The following DLGAP4 variants were observed in gnomAD, a reference collection of about 807,000 sequenced individuals.
DLGAP4 encodes DLG associated protein 4, also known as disks large-associated protein 4.
DLGAP4 carries 18 observed loss-of-function variants against 86.9 expected under a neutral mutation model. The ratio of observed to expected loss-of-function variants is 0.21; its 90% confidence interval spans 0.14 to 0.31. The LOEUF (loss-of-function observed/expected upper bound fraction) is 0.31. DLGAP4 is among the 10% of genes least tolerant of loss of function. DLGAP4 has a pLI of 1.00. For missense variants in DLGAP4, 1,085 were observed against 1,362.6 expected (o/e 0.80, Z 3.21); for synonymous variants, 548 against 574.3 (o/e 0.95, Z 0.65).
At chr20:36,525,215 T>TAAAAAAA in intron 11 of DLGAP4, among the ~76,000 whole-genome samples, 1 of 27,464 alleles carries the variant, frequency 3.6e-5, no homozygotes, top group Non-Finnish European at 5.5e-5. Context: ...AGACTCCGTC[T>TAAAAAAA]CAAAAAAAAA....
chr20:36,334,539 A>G (rs1182604854), intron 1 of DLGAP4, among the ~76,000 whole-genome samples: 5 of 152,150 alleles, frequency 3.3e-5, no homozygotes, highest in African/African-American at 1.2e-4. Context: ...CCAGGTGGCC[A>G]TGGAGACCCC....
chr20:36,445,416 A>G (rs1443898012), intron 6 of DLGAP4, among the ~76,000 whole-genome samples: 1 of 152,174 alleles, frequency 6.6e-6, no homozygotes, highest in Non-Finnish European at 1.5e-5. Context: ...AGGCAGAAGA[A>G]TTGCTTGAAC....
chr20:36,395,016 C>T (rs924634457), intron 2 of DLGAP4, among the ~76,000 whole-genome samples: 1 of 152,072 alleles, frequency 6.6e-6, no homozygotes, highest in African/African-American at 2.4e-5. Context: ...TTAGCCTCCC[C>T]GTCGTTCTCT....
chr20:36,417,362 G>A (rs1254825906), intron 2 of DLGAP4, among the ~76,000 whole-genome samples: 1 of 149,514 alleles, frequency 6.7e-6, no homozygotes, highest in East Asian at 2.0e-4. Flanking sequence ...TGGAGTTTGA[G>A]TTTTGTTTTT....
intron 4 of DLGAP4, among the ~76,000 whole-genome samples, chr20:36,438,644 G>A (rs1157346882): frequency 1.3e-5 from 2 of 149,554 alleles, no homozygotes; most frequent in African/African-American, 2.5e-5. Flanking sequence ...CTTCTGCTTT[G>A]GCCTCCCAAA....
intron 7 of DLGAP4, among the ~76,000 whole-genome samples, chr20:36,479,166 C>T (rs913028913): frequency 4.6e-5 from 7 of 152,096 alleles, no homozygotes; most frequent in Non-Finnish European, 8.8e-5. Flanking sequence ...TTGAGTGGGG[C>T]GGGCTCTGTG....
At chr20:36,322,902 C>T (rs541423013) in intron 1 of DLGAP4, among the ~76,000 whole-genome samples, 1 of 152,108 alleles carries the variant, frequency 6.6e-6, no homozygotes, top group Non-Finnish European at 1.5e-5. Context: ...AGGCCAGGTG[C>T]AGTGGCTCAC....
chr20:36,463,021 T>C (rs1256903568), intron 7 of DLGAP4, among the ~76,000 whole-genome samples: 1 of 142,966 alleles, frequency 7.0e-6, no homozygotes, highest in Non-Finnish European at 1.5e-5. Flanking sequence ...GGGGGTGGGG[T>C]CAGCCTCCTA....
At chr20:36,425,092 T>TA (rs2032939305) in intron 2 of DLGAP4, among the ~76,000 whole-genome samples, 1 of 151,956 alleles carries the variant, frequency 6.6e-6, no homozygotes, top group Admixed American at 6.6e-5. Context: ...AAAGAGCGAG[T>TA]AAGTGGTCAG....
At chr20:36,514,584 A>T (rs6024536) in intron 10 of DLGAP4, among the ~76,000 whole-genome samples, 81 of 152,042 alleles carry the variant, frequency 5.3e-4, no homozygotes, top group African/African-American at 1.9e-3. Flanking sequence ...CTAATTAAAA[A>T]TTTCTTTTTT....
chr20:36,496,941 G>A lies in DLGAP4; in HGVS notation c.1885G>A (p.Ala629Thr). 1 of 1,614,148 alleles carries A rather than the reference G, an allele frequency of 6.2e-7. No homozygotes were observed. Among genetic ancestry groups the A allele is most frequent in the Non-Finnish European group, 8.5e-7 (1 of 1,180,022 alleles). Residue 629 changes from alanine to threonine, a missense_variant, in exon 8 of 13, where the codon GCC (alanine) becomes ACC (threonine). Physicochemically the swap from Ala to Thr is moderately conservative, Grantham distance 58. Coordinates refer to ENST00000339266, the MANE Select transcript of DLGAP4 (RefSeq NM_001365621.2). ...CGTGACACGGGGTGGAGTCGCCCCA[G>A]CCCCTGAGGCCCCAGAGCCACCCCC... ...PSVTRGGVAP[A>T]PEAPEPPPKH...
chr20:36,506,021 C>G (rs1272474924), intron 10 of DLGAP4, among the ~76,000 whole-genome samples: 1 of 152,088 alleles, frequency 6.6e-6, no homozygotes. Context: ...ACCATATATT[C>G]AATATAAAAC....
At chr20:36,483,975 C>T (rs2035301246) in intron 7 of DLGAP4, among the ~76,000 whole-genome samples, 1 of 152,224 alleles carries the variant, frequency 6.6e-6, no homozygotes, top group Admixed American at 6.5e-5. Flanking sequence ...TGGCCAGGAT[C>T]TCAGCCAGGC....
At chr20:36,434,011 C>T (rs921591380) in intron 3 of DLGAP4, among the ~76,000 whole-genome samples, 4 of 140,918 alleles carry the variant, frequency 2.8e-5, no homozygotes, top group Non-Finnish European at 6.1e-5. Context: ...TGGCAGGATC[C>T]TGGCTCACTG....
chr20:36,322,342 C>T (rs562941502), intron 1 of DLGAP4, among the ~76,000 whole-genome samples: 3 of 152,234 alleles, frequency 2.0e-5, no homozygotes, highest in Non-Finnish European at 2.9e-5. Context: ...GGGGGCCAGA[C>T]GGTATGGGGC....
intron 7 of DLGAP4, among the ~76,000 whole-genome samples, chr20:36,467,057 TCTCTCTCC>T (rs1304011221): frequency 1.1e-4 from 10 of 87,408 alleles, no homozygotes; most frequent in South Asian, 3.1e-4. Flanking sequence ...TCTCTCTCTC[TCTCTCTCC>T]CCCCCCCTTC....
At chr20:36,499,704 T>TCTCCC in intron 9 of DLGAP4, 28 bp downstream of exon 9, 1 of 1,577,680 alleles carries the variant, frequency 6.3e-7, no homozygotes, top group South Asian at 1.1e-5. Flanking sequence ...GGCGGCTGCT[T>TCTCCC]CTCCCCTCTC....
chr20:36,507,204 CAA>C (rs372657797), intron 10 of DLGAP4, among the ~76,000 whole-genome samples: 82 of 151,702 alleles, frequency 5.4e-4, no homozygotes, highest in African/African-American at 1.9e-3. Context: ...CTTGTGGGCA[CAA>C]AAGTTGTTTT....
intron 2 of DLGAP4, among the ~76,000 whole-genome samples, chr20:36,369,690 C>T (rs908071277): frequency 6.6e-6 from 1 of 152,186 alleles, no homozygotes; most frequent in Non-Finnish European, 1.5e-5. Flanking sequence ...GAGGGGCCAG[C>T]AGTGACCTGG....
Sources: gnomAD v4.1 joint callset for allele counts (sites outside exome capture counted in the v4.1 genomes callset) on GRCh38, gnomAD v4.1.1 for gene constraint, MANE v1.5 for transcripts, NCBI Gene and HGNC (gene_info 2026-07-23, HGNC 2026-07-21) for gene names.